The following KCNH1 variants were observed in gnomAD, a reference collection of about 807,000 sequenced individuals.
KCNH1 encodes the protein potassium voltage-gated channel subfamily H member 1, also known as voltage-gated delayed rectifier potassium channel KCNH1.
Under a neutral mutation model 69.2 loss-of-function variants are expected in KCNH1, and 27 were observed. The ratio of observed to expected loss-of-function variants is 0.39; its 90% CI spans 0.29 to 0.54. The LOEUF (loss-of-function observed/expected upper bound fraction) is 0.54, where lower values mean the gene tolerates loss of function less well. KCNH1 is among the 20% of genes least tolerant of loss of function. The probability of loss-of-function intolerance (pLI) is 0.68; values close to 1 mark genes in which losing one functional copy is unlikely to be tolerated. For synonymous variants in KCNH1, 456 were observed against 487.7 expected (o/e 0.93, Z 0.86); for missense variants, 798 against 1,261.6 (o/e 0.63, Z 5.57).
intron 6 of KCNH1, among the ~76,000 whole-genome samples, chr1:210,974,626 C>T (rs1034125778): frequency 3.4e-5 from 5 of 146,108 alleles, no homozygotes; most frequent in African/African-American, 5.1e-5. Flanking sequence ...TGCAGTGGCA[C>T]GATCTTGGCT....
At chr1:211,032,830 A>G (rs1223508550) in intron 5 of KCNH1, among the ~76,000 whole-genome samples, 1 of 152,222 alleles carries the variant, frequency 6.6e-6, no homozygotes, top group African/African-American at 2.4e-5. Flanking sequence ...CCTAGGCAAT[A>G]CCATTCAGGA....
At chr1:211,061,705 C>T (rs973944823) in intron 5 of KCNH1, among the ~76,000 whole-genome samples, 6 of 151,966 alleles carry the variant, frequency 3.9e-5, no homozygotes, top group South Asian at 4.1e-4. Context: ...ATCAAGAAAG[C>T]GATTCCATTT....
chr1:210,877,551 A>G (rs1036951957), intron 7 of KCNH1, among the ~76,000 whole-genome samples: 5 of 152,190 alleles, frequency 3.3e-5, no homozygotes, highest in Non-Finnish European at 5.9e-5. Flanking sequence ...TGGGACCCTC[A>G]TCACTATCCA....
chr1:211,024,097 A>T (rs1408958025), intron 5 of KCNH1, among the ~76,000 whole-genome samples: 1 of 152,166 alleles, frequency 6.6e-6, no homozygotes, highest in Non-Finnish European at 1.5e-5. Flanking sequence ...GTTTAAATAT[A>T]TTTATTGCTC....
chr1:211,039,331 G>A (rs1354462267), intron 5 of KCNH1, among the ~76,000 whole-genome samples: 4 of 152,238 alleles, frequency 2.6e-5, no homozygotes, highest in Admixed American at 2.6e-4. Flanking sequence ...GTTTGCTACA[G>A]GGGCAGGGCC....
chr1:210,758,542 C>A (rs1683446581), intron 10 of KCNH1, among the ~76,000 whole-genome samples: 1 of 152,136 alleles, frequency 6.6e-6, no homozygotes, highest in Admixed American at 6.5e-5. Flanking sequence ...AACCCCCTCC[C>A]CTGGAGATCT....
chr1:210,890,289 G>A (rs1324504192), intron 7 of KCNH1, among the ~76,000 whole-genome samples: 1 of 152,116 alleles, frequency 6.6e-6, no homozygotes, highest in Non-Finnish European at 1.5e-5. Context: ...AACAAGAAAT[G>A]GGGAAAGGAT....
intron 3 of KCNH1, among the ~76,000 whole-genome samples, chr1:211,091,494 C>G (rs371284578): frequency 6.6e-6 from 1 of 152,066 alleles, no homozygotes. Context: ...ACATCCCTCT[C>G]CTTAAAATAA....
intron 10 of KCNH1, among the ~76,000 whole-genome samples, chr1:210,687,534 G>A (rs1006999744): frequency 2.0e-5 from 3 of 152,152 alleles, no homozygotes; most frequent in Non-Finnish European, 2.9e-5. Flanking sequence ...AGCCAGGGAC[G>A]AGCTTCCTAC....
At chr1:210,716,904 A>G (rs554352216) in intron 10 of KCNH1, among the ~76,000 whole-genome samples, 1 of 152,344 alleles carries the variant, frequency 6.6e-6, no homozygotes, top group South Asian at 2.1e-4. Flanking sequence ...TGTTAGCAAC[A>G]ATAATCATCA....
At chr1:210,871,522 T>C (rs1284067813) in intron 7 of KCNH1, among the ~76,000 whole-genome samples, 2 of 152,128 alleles carry the variant, frequency 1.3e-5, no homozygotes, top group Non-Finnish European at 2.9e-5. Context: ...GAACTAGAAA[T>C]ACCATTTGAC....
At chr1:211,046,811 G>A (rs1198228007) in intron 5 of KCNH1, among the ~76,000 whole-genome samples, 1 of 152,114 alleles carries the variant, frequency 6.6e-6, no homozygotes, top group Non-Finnish European at 1.5e-5. Context: ...GAGAGGTTAA[G>A]TTGCCCAAAA....
chr1:210,833,594 T>C (rs1352266390), intron 7 of KCNH1, among the ~76,000 whole-genome samples: 1 of 152,100 alleles, frequency 6.6e-6, no homozygotes, highest in Non-Finnish European at 1.5e-5. Flanking sequence ...GAAGAAAACC[T>C]AGGCATTACC....
rs896096644 is a variant in KCNH1, at chr1:210,914,632, G to T, written c.1462+5008C>A. Among the ~76,000 whole-genome samples, 4 of 152,100 alleles carry T rather than the reference G, an allele frequency of 2.6e-5. No individual in the cohort carries two copies. The East Asian group carries it at 7.7e-4, about 29-fold the overall frequency. On this transcript the variant is annotated intron_variant, in intron 7 of 10. Coordinates refer to ENST00000271751, the MANE Select transcript of KCNH1 (RefSeq NM_172362.3). ...ACTAGTGTGTGCCCAGTTGCTATGTGGGAGTTTCCAGGCCTGAGGAAGAGG... is the reference window on the plus strand; with the variant it reads ...ACTAGTGTGTGCCCAGTTGCTATGTTGGAGTTTCCAGGCCTGAGGAAGAGG...
intron 6 of KCNH1, among the ~76,000 whole-genome samples, chr1:211,015,769 G>T (rs1689480789): frequency 6.6e-6 from 1 of 152,178 alleles, no homozygotes; most frequent in Admixed American, 6.5e-5. Flanking sequence ...ATATGCACAA[G>T]GATCCCAGCT....
chr1:211,003,005 T>C (rs1412016058), intron 6 of KCNH1, among the ~76,000 whole-genome samples: 1 of 152,110 alleles, frequency 6.6e-6, no homozygotes, highest in South Asian at 2.1e-4. Context: ...GTGGCCTGTT[T>C]CGGTATGACT....
intron 5 of KCNH1, among the ~76,000 whole-genome samples, chr1:211,025,555 T>G (rs74156874): frequency 0.019 from 2,884 of 152,200 alleles, 93 homozygotes; most frequent in African/African-American, 0.066. Flanking sequence ...AAGCTGAGTG[T>G]TGAGAGAAGC....
chr1:211,052,327 A>C (rs1414430384), intron 5 of KCNH1, among the ~76,000 whole-genome samples: 2 of 152,238 alleles, frequency 1.3e-5, no homozygotes, highest in African/African-American at 4.8e-5. Context: ...ATGTACCATG[A>C]AGCGGTCGTC....
intron 6 of KCNH1, among the ~76,000 whole-genome samples, chr1:210,955,918 G>T (rs1466833563): frequency 6.6e-6 from 1 of 152,034 alleles, no homozygotes; most frequent in East Asian, 1.9e-4. Context: ...TGATTGCTCT[G>T]GCCAGAACTT....
Sources: gnomAD v4.1 joint callset for allele counts (sites outside exome capture counted in the v4.1 genomes callset) on GRCh38, gnomAD v4.1.1 for gene constraint, MANE v1.5 for transcripts, NCBI Gene and HGNC (gene_info 2026-07-23, HGNC 2026-07-21) for gene names.